The following IL1RAP variants were observed in gnomAD, a reference collection of about 807,000 sequenced individuals.
The protein encoded by IL1RAP is interleukin-1 receptor accessory protein.
A neutral mutation model predicts 60.7 loss-of-function variants in IL1RAP; 35 were observed. The ratio of observed to expected loss-of-function variants is 0.58; its 90% confidence interval spans 0.44 to 0.76. The LOEUF is 0.76. Among genes scored for constraint, IL1RAP ranks in the 30% least tolerant of loss-of-function variants. IL1RAP has a pLI of 0.00. For missense variants in IL1RAP, 572 were observed against 693.9 expected (o/e 0.82, Z 1.97); for synonymous variants, 268 against 250.9 (o/e 1.07, Z -0.64).
At chr3:190,642,921 A>C (rs1171593109) in intron 9 of IL1RAP, among the ~76,000 whole-genome samples, 2 of 152,192 alleles carry the variant, frequency 1.3e-5, no homozygotes, top group Non-Finnish European at 2.9e-5. Context: ...TCAAACACTT[A>C]AACTTCATTA....
intron 3 of IL1RAP, among the ~76,000 whole-genome samples, chr3:190,571,444 C>T (rs965498988): frequency 3.3e-5 from 5 of 151,886 alleles, no homozygotes; most frequent in Non-Finnish European, 5.9e-5. Context: ...TGAGACTGGC[C>T]GGTAAAGGCT....
At chr3:190,558,240 T>C (rs1203625196) in intron 2 of IL1RAP, among the ~76,000 whole-genome samples, 2 of 152,232 alleles carry the variant, frequency 1.3e-5, no homozygotes, top group Non-Finnish European at 2.9e-5. Context: ...ATAGGGCTTC[T>C]ACAAACATGC....
downstream of IL1RAP, among the ~76,000 whole-genome samples, chr3:190,654,258 G>A (rs1734532344): frequency 1.4e-5 from 2 of 146,064 alleles, no homozygotes; most frequent in Non-Finnish European, 3.0e-5. Context: ...TTGTTGACAA[G>A]CTAGCCATGT....
At chr3:190,599,344 C>A (rs1347177423) in intron 3 of IL1RAP, among the ~76,000 whole-genome samples, 1 of 152,162 alleles carries the variant, frequency 6.6e-6, no homozygotes, top group African/African-American at 2.4e-5. Flanking sequence ...GCATTTGTCA[C>A]CTTCACACTT....
At chr3:190,613,643 C>G (rs114151939) in intron 5 of IL1RAP, among the ~76,000 whole-genome samples, 1,849 of 152,158 alleles carry the variant, frequency 0.012, 24 homozygotes, top group African/African-American at 0.039. Context: ...AACAACATGG[C>G]CAATATGGTG....
chr3:190,579,199 TG>T, intron 3 of IL1RAP, among the ~76,000 whole-genome samples: 1 of 152,330 alleles, frequency 6.6e-6, no homozygotes, highest in African/African-American at 2.4e-5. Flanking sequence ...GTTATGCATG[TG>T]TTAAATTAAT....
chr3:190,627,276 TTTGTTTTG>T (rs1732377903), intron 7 of IL1RAP, 39 bp from the exon 8 acceptor site: 4 of 1,428,670 alleles, frequency 2.8e-6, no homozygotes, highest in East Asian at 4.7e-5. Context: ...TTTGTTTTGT[TTTGTTTTG>T]TTTTTTGTTT....
chr3:190,656,402 A>G (rs995236280), downstream of IL1RAP: 9 of 1,537,100 alleles, frequency 5.9e-6, no homozygotes, highest in Admixed American at 1.6e-4. Context: ...TGTGAAGGAG[A>G]GAATCACCTT....
chr3:190,625,597 A>G (rs990655897), intron 7 of IL1RAP, among the ~76,000 whole-genome samples: 1 of 152,230 alleles, frequency 6.6e-6, no homozygotes, highest in East Asian at 1.9e-4. Flanking sequence ...AACAATAATA[A>G]AGATACAATT....
chr3:190,617,024 C>A (rs77149610), intron 5 of IL1RAP, among the ~76,000 whole-genome samples: 1 of 152,172 alleles, frequency 6.6e-6, no homozygotes, highest in East Asian at 1.9e-4. Context: ...GAGTTCTTCA[C>A]GCTTTTTCCT....
intron 1 of IL1RAP, among the ~76,000 whole-genome samples, chr3:190,525,778 G>T (rs1202902659): frequency 6.6e-6 from 1 of 152,164 alleles, no homozygotes; most frequent in African/African-American, 2.4e-5. Context: ...TTTCTCAAAT[G>T]ATACCATTCT....
intron 1 of IL1RAP, among the ~76,000 whole-genome samples, chr3:190,534,051 G>A (rs1723219667): frequency 6.6e-6 from 1 of 151,826 alleles, no homozygotes; most frequent in Non-Finnish European, 1.5e-5. Flanking sequence ...TTTAATGTCA[G>A]GATTGAGACA....
At chr3:190,588,282 T>C (rs529928184) in intron 3 of IL1RAP, among the ~76,000 whole-genome samples, 40 of 152,244 alleles carry the variant, frequency 2.6e-4, no homozygotes, top group African/African-American at 9.1e-4. Context: ...CCCAGCTAAT[T>C]TTTGTATTTT....
chr3:190,516,808 G>C (rs576294053), intron 1 of IL1RAP, among the ~76,000 whole-genome samples: 1 of 152,300 alleles, frequency 6.6e-6, no homozygotes, highest in African/African-American at 2.4e-5. Context: ...GTAGTGAATA[G>C]GTGCTCATTA....
At chr3:190,624,293 C>A (rs569085772) in intron 7 of IL1RAP, among the ~76,000 whole-genome samples, 19 of 152,298 alleles carry the variant, frequency 1.2e-4, no homozygotes, top group South Asian at 2.1e-4. Flanking sequence ...TTATAAGAAC[C>A]AATAACAGGG....
intron 3 of IL1RAP, among the ~76,000 whole-genome samples, chr3:190,593,972 G>T (rs768113662): frequency 9.9e-5 from 15 of 152,144 alleles, no homozygotes; most frequent in Non-Finnish European, 1.8e-4. Flanking sequence ...AAGTCAAAGA[G>T]ACATAGACTC....
chr3:190,644,043 A>T (rs1225355324), intron 9 of IL1RAP: 6 of 714,936 alleles, frequency 8.4e-6, no homozygotes, highest in Non-Finnish European at 1.0e-5. Context: ...AACACCTTCT[A>T]TGCCAGGTGC....
intron 3 of IL1RAP, among the ~76,000 whole-genome samples, chr3:190,592,815 G>A (rs1729057119): frequency 6.6e-6 from 1 of 152,086 alleles, no homozygotes; most frequent in African/African-American, 2.4e-5. Flanking sequence ...CATCCGTCAG[G>A]GTTCACTTTC....
intron 2 of IL1RAP, among the ~76,000 whole-genome samples, chr3:190,558,310 G>A (rs1006075159): frequency 6.6e-6 from 1 of 152,138 alleles, no homozygotes; most frequent in Non-Finnish European, 1.5e-5. Flanking sequence ...ATCCAAGAGT[G>A]AGATTACTGG....
Sources: allele counts gnomAD v4.1 joint callset (sites outside exome capture counted in the v4.1 genomes callset), GRCh38; gene constraint gnomAD v4.1.1; transcripts MANE v1.5; gene names NCBI Gene and HGNC (gene_info 2026-07-23, HGNC 2026-07-21).